Variants in SLC43A1 observed in about 807,000 individuals in gnomAD.
SLC43A1 encodes solute carrier family 43 member 1.
SLC43A1 carries 31 observed loss-of-function variants against 59.5 expected under a neutral mutation model. That is an observed-to-expected ratio of 0.52 (90% confidence interval 0.39 to 0.70). The LOEUF is 0.70. Among genes scored for constraint, SLC43A1 ranks in the 30% least tolerant of loss-of-function variants. The probability of loss-of-function intolerance (pLI) is 0.00; values close to 1 mark genes in which losing one functional copy is unlikely to be tolerated. For missense variants in SLC43A1, 598 were observed against 717.8 expected (o/e 0.83, Z 1.91); for synonymous variants, 259 against 290.9 (o/e 0.89, Z 1.12).
intron 5 of SLC43A1, among the ~76,000 whole-genome samples, chr11:57,498,967 T>A (rs932626747): frequency 6.6e-6 from 1 of 151,960 alleles, no homozygotes; most frequent in Non-Finnish European, 1.5e-5. Flanking sequence ...GTACAAAGCC[T>A]AAACACACTC....
At chr11:57,491,685 C>A in intron 9 of SLC43A1, 31 bp downstream of exon 9, 1 of 1,614,230 alleles carries the variant, frequency 6.2e-7, no homozygotes, top group Non-Finnish European at 8.5e-7. Flanking sequence ...GCCTGTGCCC[C>A]CAACCCCCAG....
At chr11:57,485,950 C>T (rs989719293) in intron 14 of SLC43A1, among the ~76,000 whole-genome samples, 3 of 152,362 alleles carry the variant, frequency 2.0e-5, no homozygotes, top group Middle Eastern at 3.4e-3. Context: ...GAAAGATCAG[C>T]GTCAGGGAGG....
intron 12 of SLC43A1, 114 bp from the exon 13 acceptor site, chr11:57,489,103 A>G (rs186478067): frequency 1.0e-5 from 15 of 1,429,846 alleles, no homozygotes; most frequent in Admixed American, 7.3e-5. Context: ...CGCCAACCCA[A>G]TCTACTAGAA....
chr11:57,512,492 G>A (rs1387011252), intron 2 of SLC43A1, among the ~76,000 whole-genome samples: 4 of 150,308 alleles, frequency 2.7e-5, no homozygotes, highest in Non-Finnish European at 5.9e-5. Context: ...TGCAGTGAGC[G>A]AAGATCATGC....
chr11:57,500,145 A>G (rs1944215208), intron 5 of SLC43A1, among the ~76,000 whole-genome samples: 1 of 152,168 alleles, frequency 6.6e-6, no homozygotes, highest in Non-Finnish European at 1.5e-5. Context: ...ACACACTTTG[A>G]GCAACACACA....
At chr11:57,496,681 T>TG (rs983550273) in intron 6 of SLC43A1, among the ~76,000 whole-genome samples, 10 of 152,086 alleles carry the variant, frequency 6.6e-5, no homozygotes, top group East Asian at 3.9e-4. Flanking sequence ...GTGCAACAAC[T>TG]GGGGGGGTTG....
rs1565127953 is a variant in SLC43A1, at chr11:57,492,562, AT to A, written c.872-701del. On this transcript the variant is annotated intron_variant, in intron 8 of 14. Coordinates refer to ENST00000278426, the MANE Select transcript of SLC43A1 (RefSeq NM_003627.6). ...TATATATATATATATATATATATAT[AT>A]ATATATATATAAAAAAATAAGCCAG... 1.7e-4 allele frequency among the ~76,000 whole-genome samples: 6 copies of A among 35,286 alleles called. 1 individual carries two copies. The East Asian group carries it at 0.015, about 90-fold the overall frequency. The allele number at this position is 35,286 out of a possible 152,430, so 23.1% of individuals were successfully genotyped here. A position where few individuals can be genotyped will look rare whatever the true frequency, so the allele number is the denominator to read the frequency against.
At chr11:57,492,951 A>G (rs974469063) in intron 8 of SLC43A1, among the ~76,000 whole-genome samples, 3 of 151,608 alleles carry the variant, frequency 2.0e-5, no homozygotes, top group African/African-American at 7.3e-5. Context: ...GAGGCAGGAG[A>G]ATTGCTTGAA....
chr11:57,515,175 C>G lies in SLC43A1; in HGVS notation c.-14+269G>C. 1.8e-6 allele frequency: 1 copy of G among 562,640 alleles called. No homozygotes were observed. 34.9% of individuals were successfully genotyped at this position (562,640 alleles called of 1,614,324 possible). On this transcript the variant is annotated intron_variant, in intron 1 of 14. Transcript: ENST00000278426. The surrounding 1 kb of genome is among the most constrained non-coding windows in gnomAD (Gnocchi z 5.3). ...TTGGGTTCAAGCGCTCCAGGAGGTCCGCTGGAACTCTGGCAAACGCGCAGC... is the reference window on the plus strand; with the variant it reads ...TTGGGTTCAAGCGCTCCAGGAGGTCGGCTGGAACTCTGGCAAACGCGCAGC...
intron 2 of SLC43A1, among the ~76,000 whole-genome samples, chr11:57,505,427 G>A (rs1351309739): frequency 1.3e-5 from 2 of 151,848 alleles, no homozygotes; most frequent in Non-Finnish European, 2.9e-5. Context: ...CAGGAGAATC[G>A]CTTGAACCCA....
intron 6 of SLC43A1, among the ~76,000 whole-genome samples, chr11:57,496,863 C>T (rs1944105007): frequency 1.3e-5 from 2 of 152,212 alleles, no homozygotes; most frequent in African/African-American, 4.8e-5. Flanking sequence ...TTAATGTCTG[C>T]TCTCCCCTCA....
chr11:57,488,138 C>T (rs1183395476), intron 13 of SLC43A1, among the ~76,000 whole-genome samples: 1 of 152,100 alleles, frequency 6.6e-6, no homozygotes, highest in Non-Finnish European at 1.5e-5. Flanking sequence ...ACTGAGACAG[C>T]GGGGCCAGGG....
At chr11:57,497,936 C>T (rs1008209808) in intron 5 of SLC43A1, 91 bp from the exon 6 acceptor site, 53 of 875,894 alleles carry the variant, frequency 6.1e-5, no homozygotes, top group Admixed American at 1.8e-4. Context: ...CCCCAGGAGA[C>T]GCAGCAGAAA....
intron 6 of SLC43A1, among the ~76,000 whole-genome samples, chr11:57,496,740 C>A (rs940592245): frequency 2.6e-5 from 4 of 152,226 alleles, no homozygotes; most frequent in Admixed American, 6.5e-5. Context: ...AACCCCAGGG[C>A]AGGTAAGTTC....
At chr11:57,500,920 G>A in intron 4 of SLC43A1, 65 bp from the exon 5 acceptor site, 1 of 1,603,460 alleles carries the variant, frequency 6.2e-7, no homozygotes, top group Admixed American at 1.7e-5. Context: ...GGCGGGAGCT[G>A]GGGTAAACAT....
chr11:57,510,003 C>T (rs1010576544), intron 2 of SLC43A1, among the ~76,000 whole-genome samples: 2 of 151,950 alleles, frequency 1.3e-5, no homozygotes, highest in Non-Finnish European at 2.9e-5. Flanking sequence ...GAAAGATAAC[C>T]TAATTTTAAA....
In SLC43A1 at chr11:57,491,259, G is replaced by A. The variant is rs377505814; in HGVS notation, c.1158C>T (p.Asp386=). Residue 386 remains aspartate (D), a synonymous_variant, in exon 11 of 15, where the codon GAC becomes GAT. Coordinates refer to ENST00000278426, the MANE Select transcript of SLC43A1 (RefSeq NM_003627.6). ...IMDWRIKDCV[D]APTQGTVLGD... Reference sequence around the variant, plus strand: ...CGAGGACAGTGCCCTGAGTTGGGGCGTCCACGCAGTCCTTGATCCGCCAGT... The same window carrying A: ...CGAGGACAGTGCCCTGAGTTGGGGCATCCACGCAGTCCTTGATCCGCCAGT... 7.0e-5 allele frequency: 113 copies of A among 1,606,052 alleles called. No homozygotes were observed. The Middle Eastern group carries it at 1.3e-3, about 19-fold the overall frequency.
In SLC43A1 at chr11:57,514,845, AG is replaced by A; in HGVS notation, c.-14+598del. ...CCGCTTGCCCCCCTCCAGCCCCGGG[AG>A]GGGGCTCGGACTTCGGCAGGAAGTC... On this transcript the variant is annotated intron_variant, in intron 1 of 14. Coordinates refer to ENST00000278426, the MANE Select transcript of SLC43A1 (RefSeq NM_003627.6). This position sits in a 1 kb window ranked among gnomAD's most constrained non-coding sequence, Gnocchi z 5.5. The A allele has an allele frequency of 1.0e-6, 1 of 985,302 alleles. No individual in the cohort carries two copies. The highest frequency in any genetic ancestry group is 1.2e-6 in the Non-Finnish European group (1 of 829,988). 61.0% of individuals were successfully genotyped at this position (985,302 alleles called of 1,614,324 possible).
At chr11:57,495,263 C>A (rs1038557634) in intron 7 of SLC43A1, among the ~76,000 whole-genome samples, 1 of 151,700 alleles carries the variant, frequency 6.6e-6, no homozygotes, top group Non-Finnish European at 1.5e-5. Flanking sequence ...CTGAGCCAGG[C>A]GGATCACTTG....
Sources: gnomAD v4.1 joint callset for allele counts (sites outside exome capture counted in the v4.1 genomes callset) on GRCh38, gnomAD v4.1.1 for gene constraint, Gnocchi (gnomAD v3.1) non-coding constraint, MANE v1.5 for transcripts, NCBI Gene and HGNC (gene_info 2026-07-23, HGNC 2026-07-21) for gene names.